The following PRTG variants were observed in gnomAD, a reference collection of about 807,000 sequenced individuals.
The protein encoded by PRTG is immunoglobulin superfamily, DCC subclass, member 5.
In PRTG, 67 loss-of-function variants were observed where a neutral mutation model predicts 122.5. The ratio of observed to expected loss-of-function variants is 0.55; its 90% confidence interval spans 0.45 to 0.67. PRTG has a LOEUF of 0.67. PRTG is among the 30% of genes least tolerant of loss of function. The probability of loss-of-function intolerance (pLI) is 0.00; values close to 1 mark genes in which losing one functional copy is unlikely to be tolerated. For synonymous variants in PRTG, 554 were observed against 501.1 expected (o/e 1.11, Z -1.41); for missense variants, 1,435 against 1,415.4 (o/e 1.01, Z -0.22).
intron 11 of PRTG, among the ~76,000 whole-genome samples, chr15:55,644,156 T>C (rs1042967185): frequency 6.6e-6 from 1 of 152,176 alleles, no homozygotes; most frequent in African/African-American, 2.4e-5. Context: ...ACTTCTTCAT[T>C]CTGTCTCTAC....
intron 11 of PRTG, among the ~76,000 whole-genome samples, chr15:55,648,722 G>C (rs2059337180): frequency 6.6e-6 from 1 of 152,136 alleles, no homozygotes; most frequent in African/African-American, 2.4e-5. Context: ...CCAAATGAAA[G>C]TCCTGATGAA....
chr15:55,712,763 T>G (rs1344873081), intron 2 of PRTG, among the ~76,000 whole-genome samples: 3 of 152,170 alleles, frequency 2.0e-5, no homozygotes, highest in African/African-American at 4.8e-5. Flanking sequence ...TTTTCAAGAT[T>G]TGGGAGAAAA....
intron 2 of PRTG, among the ~76,000 whole-genome samples, chr15:55,737,998 CTCTCTA>C (rs1465844197): frequency 6.0e-4 from 39 of 65,300 alleles, no homozygotes; most frequent in Admixed American, 7.5e-4. Flanking sequence ...CTCTCTCTCT[CTCTCTA>C]TATATATATA....
chr15:55,637,877 T>C (rs1038637077), intron 14 of PRTG, among the ~76,000 whole-genome samples: 1 of 152,192 alleles, frequency 6.6e-6, no homozygotes, highest in African/African-American at 2.4e-5. Flanking sequence ...TGACTCCATG[T>C]TTAATATAAG....
At position 55,743,018 on chromosome 15, in the gene PRTG, G is replaced by A; in HGVS notation, c.-87C>T. 7.4e-7 allele frequency: 1 copy of A among 1,348,018 alleles called. No homozygotes were observed. Among genetic ancestry groups the A allele is most frequent in the East Asian group, 3.1e-5 (1 of 31,844 alleles). 83.5% of individuals were successfully genotyped at this position (1,348,018 alleles called of 1,614,324 possible). A position where few individuals can be genotyped will look rare whatever the true frequency, so the allele number is the denominator to read the frequency against. On this transcript the variant is annotated 5_prime_UTR_variant, in exon 1 of 20. Coordinates refer to ENST00000389286, the MANE Select transcript of PRTG (RefSeq NM_173814.6). ...CGCCCCGGGCGCTCTCTGCTCTGCGGCTGGTCGCACGCAGCCTGGCTCCCC... is the reference window on the plus strand; with the variant it reads ...CGCCCCGGGCGCTCTCTGCTCTGCGACTGGTCGCACGCAGCCTGGCTCCCC...
At chr15:55,629,369 ATATATATGTGTG>A (rs1246974624) in intron 15 of PRTG, among the ~76,000 whole-genome samples, 24 of 34,388 alleles carry the variant, frequency 7.0e-4, no homozygotes, top group East Asian at 0.016. Context: ...GTATATATAT[ATATATATGTGTG>A]TGTGTGTGTG....
chr15:55,662,678 TGA>T (rs1206788625), intron 11 of PRTG, among the ~76,000 whole-genome samples: 4 of 152,222 alleles, frequency 2.6e-5, no homozygotes, highest in Non-Finnish European at 5.9e-5. Flanking sequence ...GGGACTCCAC[TGA>T]GAGATACATC....
intron 8 of PRTG, 45 bp downstream of exon 8, chr15:55,677,752 G>T: frequency 6.3e-7 from 1 of 1,585,094 alleles, no homozygotes; most frequent in Non-Finnish European, 8.6e-7. Flanking sequence ...ACAAATCCTT[G>T]ATAGCAAGGA....
intron 2 of PRTG, among the ~76,000 whole-genome samples, chr15:55,684,340 T>C (rs1391668367): frequency 1.2e-4 from 18 of 152,220 alleles, no homozygotes; most frequent in African/African-American, 4.1e-4. Context: ...GGTTTTGAAT[T>C]AGCTTTTGAA....
chr15:55,716,236 C>T (rs1470743782), intron 2 of PRTG, among the ~76,000 whole-genome samples: 1 of 152,116 alleles, frequency 6.6e-6, no homozygotes, highest in African/African-American at 2.4e-5. Flanking sequence ...GTCTCAAAAA[C>T]AGAAAACAAA....
intron 2 of PRTG, among the ~76,000 whole-genome samples, chr15:55,723,275 C>A (rs2030897748): frequency 6.6e-6 from 1 of 151,210 alleles, no homozygotes; most frequent in Non-Finnish European, 1.5e-5. Context: ...AGGTTAGCAC[C>A]TAAATAACTT....
intron 15 of PRTG, among the ~76,000 whole-genome samples, chr15:55,631,255 G>A (rs894231933): frequency 1.3e-5 from 2 of 152,082 alleles, no homozygotes; most frequent in African/African-American, 2.4e-5. Flanking sequence ...AAGATGTATT[G>A]TGACATGTTA....
At chr15:55,634,061 T>C in intron 15 of PRTG, among the ~76,000 whole-genome samples, 1 of 128,268 alleles carries the variant, frequency 7.8e-6, no homozygotes. Flanking sequence ...AAATATACAT[T>C]GCTTTTTTTT....
intron 18 of PRTG, among the ~76,000 whole-genome samples, chr15:55,622,804 G>A (rs1340830164): frequency 1.3e-5 from 2 of 152,026 alleles, no homozygotes; most frequent in African/African-American, 2.4e-5. Context: ...CCAAAGTGCT[G>A]GAATTACAGG....
chr15:55,663,993 G>A (rs2059423971), intron 11 of PRTG, among the ~76,000 whole-genome samples: 1 of 152,174 alleles, frequency 6.6e-6, no homozygotes, highest in Non-Finnish European at 1.5e-5. Flanking sequence ...TACTGCTGAG[G>A]AGTATTCCAA....
chr15:55,743,001 G>C lies in PRTG; in HGVS notation c.-70C>G. On this transcript the variant is annotated 5_prime_UTR_variant, in exon 1 of 20. Transcript: ENST00000389286. Reference sequence around the variant, plus strand: ...TGTCCGTCTGCGGCCCCCGCCCCGGGCGCTCTCTGCTCTGCGGCTGGTCGC... The same window carrying C: ...TGTCCGTCTGCGGCCCCCGCCCCGGCCGCTCTCTGCTCTGCGGCTGGTCGC... 7.2e-7 allele frequency: 1 copy of C among 1,383,382 alleles called. No individual in the cohort carries two copies. The highest frequency in any genetic ancestry group is 9.3e-7 in the Non-Finnish European group (1 of 1,073,798). The allele number at this position is 1,383,382 out of a possible 1,614,324, so 85.7% of individuals were successfully genotyped here. A position where few individuals can be genotyped will look rare whatever the true frequency, so the allele number is the denominator to read the frequency against.
chr15:55,742,723 C>G, intron 1 of PRTG, 115 bp downstream of exon 1: 1 of 1,310,806 alleles, frequency 7.6e-7, no homozygotes, highest in Non-Finnish European at 1.1e-6. Context: ...GTCAGCGCCA[C>G]CACGGAGGAC....
intron 15 of PRTG, among the ~76,000 whole-genome samples, chr15:55,634,391 G>A (rs1595607353): frequency 6.6e-6 from 1 of 152,130 alleles, no homozygotes; most frequent in Non-Finnish European, 1.5e-5. Context: ...TTTTAGGCAG[G>A]TGCAAATGAA....
At chr15:55,679,134 AATGTT>A (rs2059521795) in intron 7 of PRTG, 147 bp downstream of exon 7, 3 of 549,686 alleles carry the variant, frequency 5.5e-6, no homozygotes, top group Admixed American at 6.4e-5. Flanking sequence ...ATGACATGAT[AATGTT>A]ATAAGTCTTA....
Sources: allele counts gnomAD v4.1 joint callset (sites outside exome capture counted in the v4.1 genomes callset), GRCh38; gene constraint gnomAD v4.1.1; transcripts MANE v1.5; gene names NCBI Gene and HGNC (gene_info 2026-07-23, HGNC 2026-07-21).